Variants in USP39 observed in about 807,000 individuals in gnomAD.
The protein encoded by USP39 is ubiquitin specific peptidase 39.
USP39 carries 38 observed loss-of-function variants against 66.4 expected under a neutral mutation model. The observed-to-expected ratio is 0.57, with a 90% confidence interval of 0.44 to 0.75. The LOEUF (loss-of-function observed/expected upper bound fraction) is 0.75, where lower values mean the gene tolerates loss of function less well. USP39 is among the 30% of genes least tolerant of loss of function. The pLI is 0.00. For synonymous variants in USP39, 303 were observed against 274.6 expected (o/e 1.10, Z -1.02); for missense variants, 608 against 714.4 (o/e 0.85, Z 1.70).
Position 85,636,147 on chromosome 2 carries a change from T to C in USP39, c.1027+17T>C, listed in dbSNP as rs1675750696. 2 of 1,610,728 alleles carry C rather than the reference T, an allele frequency of 1.2e-6. No individual in the cohort carries two copies. The highest frequency in any genetic ancestry group is 1.7e-5 in the Admixed American group (1 of 59,392). ...AAAAGAAGAGTAAGTCATTTACTTA[T>C]AAAAAGGAGTTATTTTGTTCCCTTT... On this transcript the variant is annotated intron_variant, in intron 7 of 12. Transcript: ENST00000323701.
chr2:85,645,178 T>C (rs1676547596), intron 11 of USP39, 95 bp downstream of exon 11: 31 of 1,555,062 alleles, frequency 2.0e-5, no homozygotes, highest in Non-Finnish European at 2.7e-5. Context: ...TGTCCTTGCT[T>C]GGCCTTGGCT....
chr2:85,624,881 T>A (rs1168707491), intron 4 of USP39, among the ~76,000 whole-genome samples: 1 of 151,396 alleles, frequency 6.6e-6, no homozygotes, highest in Non-Finnish European at 1.5e-5. Flanking sequence ...GAGAGTTGCT[T>A]GAATCTGGGA....
upstream of USP39, chr2:85,611,635 C>G (rs749228954): frequency 6.4e-7 from 1 of 1,564,608 alleles, no homozygotes; most frequent in Admixed American, 1.9e-5. Context: ...GAAGAGCGCG[C>G]GGGCTGGAGG....
chr2:85,631,989 G>A (rs1165680795), intron 6 of USP39, among the ~76,000 whole-genome samples: 2 of 151,696 alleles, frequency 1.3e-5, no homozygotes, highest in South Asian at 2.1e-4. Context: ...TGATCCACCC[G>A]CTTCGGCCTC....
At chr2:85,647,053 T>C (rs1676699583) in intron 11 of USP39, among the ~76,000 whole-genome samples, 1 of 151,768 alleles carries the variant, frequency 6.6e-6, no homozygotes. Context: ...CAGGCCTGGC[T>C]AATTTTTGTA....
At chr2:85,635,395 A>G (rs1178004450) in intron 6 of USP39, among the ~76,000 whole-genome samples, 3 of 152,146 alleles carry the variant, frequency 2.0e-5, no homozygotes, top group Non-Finnish European at 4.4e-5. Context: ...CCCCGTCTCT[A>G]CTAAAAATAC....
intron 1 of USP39, among the ~76,000 whole-genome samples, chr2:85,618,097 C>T (rs191834651): frequency 6.6e-6 from 1 of 151,944 alleles, no homozygotes; most frequent in Non-Finnish European, 1.5e-5. Context: ...TGGGATTACA[C>T]GTGCATGCCA....
chr2:85,643,224 C>T (rs1676377685), intron 10 of USP39, among the ~76,000 whole-genome samples: 1 of 152,132 alleles, frequency 6.6e-6, no homozygotes, highest in African/African-American at 2.4e-5. Flanking sequence ...GGCACGGTGG[C>T]TCACACCTGT....
In USP39 at chr2:85,639,376, T is replaced by C. The variant is rs1357262854; in HGVS notation, c.1269T>C (p.Asn423=). The change falls in exon 9 of 13, where the codon AAT becomes AAC. Residue 423 remains asparagine (N), a synonymous_variant. Coordinates refer to ENST00000323701, the MANE Select transcript of USP39 (RefSeq NM_006590.4). ...TCTTCAACATCCTGGCTAAGTTCAA[T>C]GGCATCACTGAGAAGGTAGCCCATT... ...VPLFNILAKF[N]GITEKEYKTY... 1 of 1,613,640 alleles carries C rather than the reference T, an allele frequency of 6.2e-7. No homozygotes were observed. The highest frequency in any genetic ancestry group is 8.5e-7 in the Non-Finnish European group (1 of 1,179,914).
intron 6 of USP39, among the ~76,000 whole-genome samples, chr2:85,633,233 G>A (rs1313329961): frequency 6.6e-6 from 1 of 151,900 alleles, no homozygotes. Context: ...CTATTCTGCC[G>A]CCTCAGCCTC....
rs1442032384 is a variant in USP39 at position 85,629,057 on chromosome 2, A to G, written c.724-1664A>G. 4.6e-5 allele frequency among the ~76,000 whole-genome samples: 7 copies of G among 151,920 alleles called. No homozygotes were observed. The South Asian group carries it at 8.3e-4, about 18-fold the overall frequency. On this transcript the variant is annotated intron_variant, in intron 5 of 12. Transcript: ENST00000323701. ...GGGTGTCTTTGGTCCTCTTCCTCCC[A>G]GTTTCGTTTTGTTTTGTTTTTTTGA...
intron 10 of USP39, among the ~76,000 whole-genome samples, chr2:85,642,983 T>C (rs1329031719): frequency 1.3e-5 from 2 of 151,758 alleles, no homozygotes; most frequent in African/African-American, 2.4e-5. Context: ...ACATCTGTAA[T>C]GTCATCACTT....
At chr2:85,628,898 C>G (rs1370063444) in intron 5 of USP39, among the ~76,000 whole-genome samples, 1 of 152,064 alleles carries the variant, frequency 6.6e-6, no homozygotes, top group Non-Finnish European at 1.5e-5. Flanking sequence ...TTAGAGGTGC[C>G]TGGGTTATTA....
intron 10 of USP39, among the ~76,000 whole-genome samples, chr2:85,642,054 G>A (rs1011359459): frequency 4.6e-5 from 7 of 151,956 alleles, no homozygotes; most frequent in African/African-American, 1.7e-4. Flanking sequence ...CATAGTTTGC[G>A]TGTTTTCTGG....
upstream of USP39, among the ~76,000 whole-genome samples, chr2:85,615,029 G>GGT (rs869178223): frequency 4.7e-5 from 7 of 149,338 alleles, no homozygotes; most frequent in African/African-American, 1.7e-4. Flanking sequence ...GGTGTGGTGT[G>GGT]GTGTGGGTAT....
chr2:85,644,703 AT>A, intron 10 of USP39, among the ~76,000 whole-genome samples: 1 of 151,682 alleles, frequency 6.6e-6, no homozygotes, highest in Admixed American at 6.6e-5. Flanking sequence ...GATTATAGGT[AT>A]GAGCCACTGC....
At chr2:85,643,348 G>A (rs112379915) in intron 10 of USP39, among the ~76,000 whole-genome samples, 11,608 of 151,996 alleles carry the variant, frequency 0.076, 1,496 homozygotes, top group African/African-American at 0.26. Flanking sequence ...AAATTAGCCA[G>A]GCATGGTGGT....
At position 85,630,855 on chromosome 2, in the gene USP39, CCCTCGAAA is replaced by C. The variant is rs1329443954; in HGVS notation, c.859_866del (p.Pro287PhefsTer9). Reference sequence around the variant, plus strand: ...GAGAGCTGATGAGAAAGCTCTGGAACCCTCGAAATTTCAAGGCACATGTGTCTCCCCAT... The same window carrying C: ...GAGAGCTGATGAGAAAGCTCTGGAACTTTCAAGGCACATGTGTCTCCCCAT... On this transcript the variant is annotated frameshift_variant, in exon 6 of 13. Coordinates refer to ENST00000323701, the MANE Select transcript of USP39 (RefSeq NM_006590.4). LOFTEE classifies it high-confidence loss of function. 3 of 1,614,154 alleles carry C rather than the reference CCCTCGAAA, an allele frequency of 1.9e-6. No homozygotes were observed. The Admixed American group carries it at 5.0e-5, about 27-fold the overall frequency.
chr2:85,636,862 AC>A (rs1675815849), intron 7 of USP39, among the ~76,000 whole-genome samples: 1 of 152,052 alleles, frequency 6.6e-6, no homozygotes, highest in African/African-American at 2.4e-5. Flanking sequence ...GCCTGTGTTA[AC>A]CCTCTGAGCT....
Sources: allele counts gnomAD v4.1 joint callset (sites outside exome capture counted in the v4.1 genomes callset), GRCh38; gene constraint gnomAD v4.1.1; transcripts MANE v1.5; gene names NCBI Gene and HGNC (gene_info 2026-07-23, HGNC 2026-07-21).